PPIL2: variants seen among roughly 807,000 people sequenced by gnomAD.
The protein encoded by PPIL2 is RING-type E3 ubiquitin-protein ligase PPIL2.
A neutral mutation model predicts 75.2 loss-of-function variants in PPIL2; 50 were observed. The observed-to-expected ratio is 0.66, with a 90% CI of 0.53 to 0.84. PPIL2 has a LOEUF of 0.84. Ranked by LOEUF, PPIL2 falls within the 40% of genes least tolerant of loss-of-function variation. The pLI is 0.00. For synonymous variants in PPIL2, 245 were observed against 258.8 expected, an observed-to-expected ratio of 0.95 and a Z score of 0.51; for missense variants, 590 against 685.0, an observed-to-expected ratio of 0.86 and a Z score of 1.55.
In PPIL2 at chr22:21,696,352, C is replaced by T. The variant is rs1297274750; in HGVS notation, c.*862C>T. 2.9e-5 allele frequency: 33 copies of T among 1,137,506 alleles called. No individual in the cohort carries two copies. The South Asian group carries it at 6.2e-4, about 21-fold the overall frequency. The allele number at this position is 1,137,506 out of a possible 1,614,324, so 70.5% of individuals were successfully genotyped here. On this transcript the variant is annotated 3_prime_UTR_variant, in exon 20 of 20. Coordinates refer to ENST00000398831, the MANE Select transcript of PPIL2 (RefSeq NM_014337.4). ...ACTGGGTTGAGGCCAGTGTCTCCTG[C>T]TGTGAGAACAAGTGGATGTCCCTCT...
At position 21,696,976 on chromosome 22, in the gene PPIL2, C is replaced by A; in HGVS notation, c.*1486C>A. The A allele has an allele frequency of 6.4e-7, 1 of 1,558,752 alleles. No homozygotes were observed. The highest frequency in any genetic ancestry group is 8.7e-7 in the Non-Finnish European group (1 of 1,151,856). The stretch of plus-strand genomic sequence containing the variant: ...TTCATCATGCTAAGAACAAGAACTG[C>A]GCCATGGCTGGCTCCTTCTCTTCTC... On this transcript the variant is annotated 3_prime_UTR_variant, in exon 20 of 20. Transcript: ENST00000398831.
intron 6 of PPIL2, among the ~76,000 whole-genome samples, chr22:21,679,738 GCT>G (rs888699864): frequency 2.0e-5 from 3 of 151,758 alleles, no homozygotes; most frequent in African/African-American, 7.3e-5. Flanking sequence ...CTAACTTGAG[GCT>G]CTAACTAATT....
Position 21,694,573 on chromosome 22 carries a change from C to T in PPIL2, c.1197-20C>T, listed in dbSNP as rs5999098. On this transcript the variant is annotated intron_variant, in intron 16 of 19. Coordinates refer to ENST00000398831, the MANE Select transcript of PPIL2 (RefSeq NM_014337.4). ...CCCTCCTTGAGCACACGCAGACCCA[C>T]CTCTGTCTCCCTGCTGCAGGGTTGT... 0.34 allele frequency: 555,239 copies of T among 1,613,288 alleles called. 96,778 individuals carry two copies. The highest frequency in any genetic ancestry group is 0.42 in the East Asian group (18,812 of 44,820).
At chr22:21,684,961 C>T (rs1024340478) in intron 10 of PPIL2, 48 bp downstream of exon 10, 5 of 1,603,610 alleles carry the variant, frequency 3.1e-6, no homozygotes, top group Non-Finnish European at 3.4e-6. Flanking sequence ...GTCTTCCTGC[C>T]CATCTCATGG....
intron 6 of PPIL2, 75 bp from the exon 7 acceptor site, chr22:21,681,224 G>A (rs1308654738): frequency 4.1e-6 from 5 of 1,227,262 alleles, no homozygotes; most frequent in Non-Finnish European, 6.0e-6. Flanking sequence ...TCCTGCCCTG[G>A]CCCTCTGCGG....
chr22:21,696,564 G>T lies in PPIL2; in HGVS notation c.*1074G>T, dbSNP rs185483814. The stretch of plus-strand genomic sequence containing the variant: ...TGTGCCCCTGGCTGGCTTTTTCTTC[G>T]TCTTCAGCCCAGGCCAGTGGTCAGT... On this transcript the variant is annotated 3_prime_UTR_variant, in exon 20 of 20. Coordinates refer to ENST00000398831, the MANE Select transcript of PPIL2 (RefSeq NM_014337.4). 69 of 1,391,446 alleles carry T rather than the reference G, an allele frequency of 5.0e-5. No homozygotes were observed. In the Middle Eastern group the frequency reaches 6.5e-4, roughly 13 times the overall value. The allele number at this position is 1,391,446 out of a possible 1,614,324, so 86.2% of individuals were successfully genotyped here.
At chr22:21,695,349 G>A in intron 19 of PPIL2, 45 bp from the exon 20 acceptor site, 1 of 1,559,022 alleles carries the variant, frequency 6.4e-7, no homozygotes, top group Non-Finnish European at 8.7e-7. Flanking sequence ...AGTCAGGAGG[G>A]GCTGAGGGAG....
intron 6 of PPIL2, 75 bp downstream of exon 6, chr22:21,675,190 C>T (rs992944857): frequency 1.2e-5 from 16 of 1,334,698 alleles, no homozygotes; most frequent in East Asian, 9.2e-5. Flanking sequence ...AGTTTTCATA[C>T]GGAATCAGTC....
At chr22:21,689,402 T>G (rs2067525315) in intron 15 of PPIL2, among the ~76,000 whole-genome samples, 3 of 152,246 alleles carry the variant, frequency 2.0e-5, no homozygotes, top group African/African-American at 2.4e-5. Flanking sequence ...TTCAATCGTT[T>G]TCTTCACATG....
intron 7 of PPIL2, among the ~76,000 whole-genome samples, chr22:21,681,890 G>A (rs1248521415): frequency 5.9e-5 from 9 of 152,234 alleles, no homozygotes; most frequent in South Asian, 2.1e-4. Context: ...CCCACATGGC[G>A]GGAAAGCCGA....
chr22:21,688,503 A>G (rs1340801456), intron 14 of PPIL2, among the ~76,000 whole-genome samples: 1 of 152,150 alleles, frequency 6.6e-6, no homozygotes, highest in Non-Finnish European at 1.5e-5. Context: ...GTCCCGGGGC[A>G]GGCCCCAGGC....
chr22:21,687,522 C>T, intron 12 of PPIL2, 121 bp from the exon 13 acceptor site: 1 of 708,334 alleles, frequency 1.4e-6, no homozygotes, highest in Non-Finnish European at 2.3e-6. Context: ...CACAGCACTC[C>T]AGCCTGGGCA....
At chr22:21,692,263 C>T (rs2067682563) in intron 15 of PPIL2, among the ~76,000 whole-genome samples, 1 of 151,836 alleles carries the variant, frequency 6.6e-6, no homozygotes, top group Admixed American at 6.6e-5. Flanking sequence ...TCATGCCATT[C>T]TCCTGCCTCA....
At chr22:21,666,500 TGCAGAGCC>T (rs1421972430) in intron 1 of PPIL2, among the ~76,000 whole-genome samples, 2 of 152,200 alleles carry the variant, frequency 1.3e-5, no homozygotes, top group African/African-American at 4.8e-5. Flanking sequence ...GCAAACGTGC[TGCAGAGCC>T]TTCTAATTTA....
At position 21,696,866 on chromosome 22, in the gene PPIL2, ACCCCAT is replaced by A. The variant is rs758544191; in HGVS notation, c.*1379_*1384del. On this transcript the variant is annotated 3_prime_UTR_variant, in exon 20 of 20. Coordinates refer to ENST00000398831, the MANE Select transcript of PPIL2 (RefSeq NM_014337.4). ...GGCGCCTCATCTGCATCTCTGCCTC[ACCCCAT>A]CCACTGCCACAGGCTGCCTGATGAC... The A allele has an allele frequency of 6.3e-7, 1 of 1,584,522 alleles. No individual in the cohort carries two copies. Among genetic ancestry groups the A allele is most frequent in the South Asian group, 1.2e-5 (1 of 86,060 alleles).
chr22:21,685,585 C>G (rs760387295), intron 10 of PPIL2: 12 of 434,696 alleles, frequency 2.8e-5, no homozygotes, highest in Admixed American at 2.7e-4. Context: ...CTCCGTCTAA[C>G]ACACTGCCCT....
intron 7 of PPIL2, among the ~76,000 whole-genome samples, chr22:21,681,837 G>T (rs1034437003): frequency 6.6e-6 from 1 of 152,222 alleles, no homozygotes; most frequent in East Asian, 1.9e-4. Context: ...GGAGACAGCC[G>T]TGTTCACACA....
chr22:21,671,981 T>C (rs1489825924), intron 4 of PPIL2, among the ~76,000 whole-genome samples: 1 of 152,004 alleles, frequency 6.6e-6, no homozygotes, highest in Non-Finnish European at 1.5e-5. Flanking sequence ...AGCCCAGGGG[T>C]TGGAGGCTGC....
downstream of PPIL2, chr22:21,699,786 C>T (rs2068045989): frequency 6.6e-6 from 1 of 152,626 alleles, no homozygotes; most frequent in African/African-American, 2.4e-5. Flanking sequence ...CTGACTTTTC[C>T]TCGGTCCAGT....
Sources: gnomAD v4.1 joint callset for allele counts (sites outside exome capture counted in the v4.1 genomes callset) on GRCh38, gnomAD v4.1.1 for gene constraint, MANE v1.5 for transcripts, NCBI Gene and HGNC (gene_info 2026-07-23, HGNC 2026-07-21) for gene names.